The following HRH2 variants were observed in gnomAD, a reference collection of about 807,000 sequenced individuals.
HRH2 encodes the protein histamine H2 receptor.
Under a neutral mutation model 20.1 loss-of-function variants are expected in HRH2, and 4 were observed. The ratio of observed to expected loss-of-function variants is 0.20; its 90% CI spans 0.10 to 0.45. The LOEUF is 0.45. Among genes scored for constraint, HRH2 ranks in the 20% least tolerant of loss-of-function variants. The pLI is 0.99. For missense variants in HRH2, 250 were observed against 461.6 expected (o/e 0.54, Z 4.20); for synonymous variants, 197 against 200.7 (o/e 0.98, Z 0.16).
intron 2 of HRH2, among the ~76,000 whole-genome samples, chr5:175,701,810 G>A (rs1473385555): frequency 6.6e-6 from 1 of 152,186 alleles, no homozygotes; most frequent in East Asian, 1.9e-4. Context: ...ATGTGAAAAC[G>A]AGGTGTTTCT....
In HRH2 at chr5:175,687,454, C is replaced by A. The variant is rs540333741; in HGVS notation, c.1076+3145C>A. ...TGGGTGGGGTGGGGGCACCGTCGGC[C>A]AAGGGGTGACTCCAGAAGATAGAGT... is the stretch of plus-strand genomic sequence containing the variant. On this transcript the variant is annotated intron_variant, in intron 2 of 2. Coordinates refer to ENST00000636584, the MANE Select transcript of HRH2 (RefSeq NM_001367711.1). The surrounding 1 kb of genome is among the most constrained non-coding windows in gnomAD (Gnocchi z 5.2). 1.3e-5 allele frequency among the ~76,000 whole-genome samples: 2 copies of A among 152,284 alleles called. No individual in the cohort carries two copies. Among genetic ancestry groups the A allele is most frequent in the East Asian group, 3.9e-4 (2 of 5,172 alleles).
intron 1 of HRH2, among the ~76,000 whole-genome samples, chr5:175,666,292 A>C (rs1410345013): frequency 6.6e-6 from 1 of 152,166 alleles, no homozygotes; most frequent in Admixed American, 6.6e-5. Flanking sequence ...TGGAGGTGGG[A>C]TCTGGGGCGT....
intron 2 of HRH2, among the ~76,000 whole-genome samples, chr5:175,689,400 C>T (rs1756286275): frequency 6.6e-6 from 1 of 151,964 alleles, no homozygotes; most frequent in Admixed American, 6.6e-5. Flanking sequence ...AGGACAGGTC[C>T]CTGTCTGTGT....
chr5:175,682,581 C>G (rs568675367), intron 1 of HRH2, 128 bp from the exon 2 acceptor site: 1 of 152,746 alleles, frequency 6.5e-6, no homozygotes, highest in African/African-American at 2.4e-5. Context: ...AAAGAGGTAT[C>G]CAAACTGGTC....
chr5:175,661,754 G>C (rs1258638655), intron 1 of HRH2, among the ~76,000 whole-genome samples: 2 of 152,220 alleles, frequency 1.3e-5, no homozygotes, highest in African/African-American at 2.4e-5. Context: ...GGACACAGTG[G>C]CTCACGCCTG....
chr5:175,690,896 C>T (rs573996967), intron 2 of HRH2, among the ~76,000 whole-genome samples: 11 of 152,346 alleles, frequency 7.2e-5, no homozygotes, highest in Non-Finnish European at 1.2e-4. Context: ...AACATTGCCA[C>T]GGTGCTATCT....
rs565677153 is a variant in HRH2 at position 175,685,169 on chromosome 5, G to A, written c.1076+860G>A. On this transcript the variant is annotated intron_variant, in intron 2 of 2. Coordinates refer to ENST00000636584, the MANE Select transcript of HRH2 (RefSeq NM_001367711.1). Reference sequence around the variant, plus strand: ...TTTCCCCTCCCAGAGGGCACCAGGCGGAAAAGATGTATAGAATCAGAATGA... The same window carrying A: ...TTTCCCCTCCCAGAGGGCACCAGGCAGAAAAGATGTATAGAATCAGAATGA... Among the ~76,000 whole-genome samples the A allele has an allele frequency of 5.9e-5, 9 of 152,238 alleles. No homozygotes were observed. In the South Asian group the frequency reaches 1.0e-3, roughly 18 times the overall value.
chr5:175,676,477 C>T (rs1248199914), intron 1 of HRH2, among the ~76,000 whole-genome samples: 1 of 152,230 alleles, frequency 6.6e-6, no homozygotes, highest in Non-Finnish European at 1.5e-5. Context: ...ACCACCACAC[C>T]CTGTTCCTGT....
chr5:175,684,062 G>T lies in HRH2; in HGVS notation c.829G>T (p.Gly277Cys). The change falls in exon 2 of 3, where the codon GGC becomes TGC. Residue 277 changes from glycine to cysteine, a missense_variant. Around this residue, in one of 5 missense-constraint regions of HRH2, gnomAD observed 58 missense variants for 166.8 expected, o/e 0.35. Coordinates refer to ENST00000636584, the MANE Select transcript of HRH2 (RefSeq NM_001367711.1). ...EVLEAIVLWL[G>C]YANSALNPIL... is the part of the protein sequence containing the mutation. The stretch of plus-strand genomic sequence containing the variant: ...GTTAGAAGCCATCGTTCTGTGGCTG[G>T]GCTATGCCAACTCAGCCCTGAACCC... The T allele has an allele frequency of 1.2e-6, 2 of 1,614,168 alleles. No homozygotes were observed. The highest frequency in any genetic ancestry group is 8.5e-7 in the Non-Finnish European group (1 of 1,180,038).
intron 1 of HRH2, among the ~76,000 whole-genome samples, chr5:175,671,914 A>G (rs945704699): frequency 1.3e-5 from 2 of 152,074 alleles, no homozygotes; most frequent in South Asian, 4.1e-4. Flanking sequence ...TAAGCCCCGC[A>G]TCGATGGAGG....
In HRH2 at chr5:175,684,146, T is replaced by C. The variant is rs1461213963; in HGVS notation, c.913T>C (p.Cys305Arg). The change falls in exon 2 of 3, where the codon TGC (cysteine) becomes CGC (arginine). Residue 305 changes from cysteine (C) to arginine (R), a missense_variant. Transcript: ENST00000636584. ...FRTGYQQLFC[C>R]RLANRNSHKT... Reference sequence around the variant, plus strand: ...CACCGGGTACCAACAGCTCTTCTGCTGCAGGCTGGCCAACCGCAACTCCCA... The same window carrying C: ...CACCGGGTACCAACAGCTCTTCTGCCGCAGGCTGGCCAACCGCAACTCCCA... 4 of 1,614,040 alleles carry C rather than the reference T, an allele frequency of 2.5e-6. No homozygotes were observed. Among genetic ancestry groups the C allele is most frequent in the Non-Finnish European group, 3.4e-6 (4 of 1,180,030 alleles).
At chr5:175,689,808 AGCTTCT>A (rs1207003536) in intron 2 of HRH2, among the ~76,000 whole-genome samples, 3 of 152,202 alleles carry the variant, frequency 2.0e-5, no homozygotes, top group African/African-American at 7.2e-5. Context: ...ACAGACAGCA[AGCTTCT>A]GAGTCAGGAT....
intron 2 of HRH2, among the ~76,000 whole-genome samples, chr5:175,696,322 C>G (rs1036496423): frequency 6.6e-6 from 1 of 152,204 alleles, no homozygotes. Flanking sequence ...AGTGTGACCC[C>G]GATTCTGGAG....
At chr5:175,700,109 C>T (rs908018952) in intron 2 of HRH2, among the ~76,000 whole-genome samples, 8 of 152,102 alleles carry the variant, frequency 5.3e-5, no homozygotes, top group Admixed American at 2.6e-4. Flanking sequence ...CTCCTGGTTC[C>T]GAATCTCACA....
intron 1 of HRH2, among the ~76,000 whole-genome samples, chr5:175,659,930 G>A (rs1364873449): frequency 6.6e-6 from 1 of 152,172 alleles, no homozygotes; most frequent in African/African-American, 2.4e-5. Context: ...ATATCAGACT[G>A]ACTCACCCCA....
chr5:175,663,544 A>G (rs1762798244), intron 1 of HRH2, among the ~76,000 whole-genome samples: 1 of 152,186 alleles, frequency 6.6e-6, no homozygotes, highest in Admixed American at 6.5e-5. Context: ...ACTCCATAGA[A>G]ATCTATCAGG....
chr5:175,678,861 G>A (rs1021140618), intron 1 of HRH2, among the ~76,000 whole-genome samples: 2 of 152,216 alleles, frequency 1.3e-5, no homozygotes, highest in South Asian at 2.1e-4. Flanking sequence ...AGCAAAAGGT[G>A]TCTCACTTCC....
At chr5:175,679,723 A>G (rs1391752356) in intron 1 of HRH2, among the ~76,000 whole-genome samples, 1 of 152,172 alleles carries the variant, frequency 6.6e-6, no homozygotes, top group Non-Finnish European at 1.5e-5. Context: ...CACCAGGCAT[A>G]GGGGATGCAA....
intron 2 of HRH2, among the ~76,000 whole-genome samples, chr5:175,688,485 A>C (rs1187343087): frequency 1.3e-5 from 2 of 152,232 alleles, no homozygotes; most frequent in Non-Finnish European, 2.9e-5. Context: ...CACTGTTTGC[A>C]GTAGAGCAGT....
Sources: allele counts gnomAD v4.1 joint callset (sites outside exome capture counted in the v4.1 genomes callset), GRCh38; gene constraint gnomAD v4.1.1; regional missense constraint gnomAD v4.1.1; non-coding constraint Gnocchi (gnomAD v3.1); transcripts MANE v1.5; gene names NCBI Gene and HGNC (gene_info 2026-07-23, HGNC 2026-07-21).